Variants in SETD5 observed in about 807,000 individuals in gnomAD.
SETD5 encodes histone-lysine N-methyltransferase SETD5.
In SETD5, 44 loss-of-function variants were observed where a neutral mutation model predicts 153.3. That is an observed-to-expected ratio of 0.29 (90% confidence interval 0.23 to 0.37). The LOEUF (loss-of-function observed/expected upper bound fraction) is 0.37, where lower values mean the gene tolerates loss of function less well. Among genes scored for constraint, SETD5 ranks in the 10% least tolerant of loss-of-function variants. SETD5 has a pLI of 1.00. For synonymous variants in SETD5, 716 were observed against 645.2 expected (o/e 1.11, Z -1.66); for missense variants, 1,544 against 1,768.0 (o/e 0.87, Z 2.27).
intron 1 of SETD5, chr3:9,423,327 C>A (rs1241578698): frequency 2.0e-5 from 3 of 152,152 alleles, no homozygotes; most frequent in Non-Finnish European, 2.9e-5. Context: ...GTAAATGGCA[C>A]CTCCTAAAGA....
intron 1 of SETD5, chr3:9,423,363 C>T (rs766501734): frequency 2.0e-5 from 3 of 152,190 alleles, no homozygotes; most frequent in Non-Finnish European, 2.9e-5. Flanking sequence ...CTGGAAGATA[C>T]AGGCTGTGTC....
intron 18 of SETD5, among the ~76,000 whole-genome samples, chr3:9,468,331 T>G (rs1298085467): frequency 6.6e-6 from 1 of 152,168 alleles, no homozygotes; most frequent in Non-Finnish European, 1.5e-5. Flanking sequence ...CAGGAAGCAT[T>G]TTAACAAGTC....
chr3:9,413,569 A>G (rs532151389), intron 1 of SETD5, among the ~76,000 whole-genome samples: 34 of 151,408 alleles, frequency 2.2e-4, no homozygotes, highest in Non-Finnish European at 4.1e-4. Flanking sequence ...CGGATGAAGG[A>G]AGAGGATGAA....
rs753221954 is a variant in SETD5 at position 9,473,275 on chromosome 3, A to G, written c.3235A>G (p.Lys1079Glu). The change falls in exon 20 of 23, where the codon AAG becomes GAG. Residue 1079 changes from lysine (K) to glutamate (E), a missense_variant. Transcript: ENST00000402198. The part of the protein sequence containing the change: ...LEYRKRKQEA[K>E]ENSAGGGGDS... ...GTACCGAAAACGGAAACAAGAAGCT[A>G]AGGAAAATTCTGCTGGTGGGGGAGG... 6.2e-7 allele frequency: 1 copy of G among 1,613,818 alleles called. No individual in the cohort carries two copies. The highest frequency in any genetic ancestry group is 1.7e-5 in the Admixed American group (1 of 60,016).
chr3:9,453,821 A>C lies in SETD5; in HGVS notation c.2429A>C (p.Gln810Pro). Residue 810 changes from glutamine to proline, a missense_variant, in exon 17 of 23, where the codon CAA (glutamine) becomes CCA (proline). Gln to Pro is a moderately conservative substitution (Grantham distance 76). Around this residue, in one of 9 missense-constraint regions of SETD5, gnomAD observed 782 missense variants for 787.2 expected, o/e 0.99. Transcript: ENST00000402198. ...PQETRTQHLYQSNENSSSSSI... is the reference protein window; with the variant it reads ...PQETRTQHLYPSNENSSSSSI... The stretch of plus-strand genomic sequence containing the variant: ...GAGACTAGAACTCAGCACCTATACC[A>C]AAGCAATGAGAATAGTAGCTCTTCT... 6.2e-7 allele frequency: 1 copy of C among 1,604,940 alleles called. No homozygotes were observed.
chr3:9,408,023 G>A (rs1202470084), intron 1 of SETD5, among the ~76,000 whole-genome samples: 1 of 151,896 alleles, frequency 6.6e-6, no homozygotes, highest in African/African-American at 2.4e-5. Context: ...TTAATCTTGT[G>A]TAGATAGTGA....
chr3:9,410,688 C>G (rs1320178952), intron 1 of SETD5, among the ~76,000 whole-genome samples: 2 of 152,114 alleles, frequency 1.3e-5, no homozygotes, highest in Non-Finnish European at 2.9e-5. Context: ...GATACTTCCC[C>G]TTTTAGCAGA....
chr3:9,466,030 T>A (rs1293570028), intron 18 of SETD5, among the ~76,000 whole-genome samples: 5 of 152,094 alleles, frequency 3.3e-5, no homozygotes, highest in Admixed American at 3.3e-4. Context: ...GGCTCACACC[T>A]ATAATCCCAT....
intron 16 of SETD5, among the ~76,000 whole-genome samples, chr3:9,452,084 G>C (rs981032976): frequency 1.3e-5 from 2 of 152,128 alleles, no homozygotes; most frequent in African/African-American, 4.8e-5. Flanking sequence ...GATTGTATTT[G>C]CTGTGTTTCA....
chr3:9,445,594 A>C (rs749498536), intron 12 of SETD5, 63 bp from the exon 13 acceptor site: 47 of 1,421,834 alleles, frequency 3.3e-5, no homozygotes, highest in Non-Finnish European at 4.4e-5. Context: ...AAGCTACCAG[A>C]ATAAAACAGA....
rs781208584 is a variant in SETD5 at position 9,475,865 on chromosome 3, C to T, written c.4103C>T (p.Thr1368Ile). The T allele has an allele frequency of 6.8e-6, 11 of 1,613,942 alleles. No individual in the cohort carries two copies. Among genetic ancestry groups the T allele is most frequent in the Admixed American group, 3.3e-5 (2 of 60,012 alleles). The change falls in exon 23 of 23, where the codon ACT (threonine) becomes ATT (isoleucine). Residue 1368 changes from threonine to isoleucine, a missense_variant. Thr to Ile is a moderately conservative substitution (Grantham distance 89, BLOSUM62 -1). Transcript: ENST00000402198. ...TCAGTTTCTCAGTCCAGCACAGGAA[C>T]TCTGAGTTCCACCTCCTTTCCTCAG... ...SDSVSQSSTG[T>I]LSSTSFPQNS...
At position 9,434,697 on chromosome 3, in the gene SETD5, A is replaced by T; in HGVS notation, c.330-127A>T. On this transcript the variant is annotated intron_variant, in intron 5 of 22. Transcript: ENST00000402198. This position sits in a 1 kb window ranked among gnomAD's most constrained non-coding sequence, Gnocchi z 5.6. ...AGCTATTGAATTTGATATGAAATTT[A>T]ATGTCCTGGAAACATTTGGTAGGTG... 6.8e-7 allele frequency: 1 copy of T among 1,461,458 alleles called. No individual in the cohort carries two copies. Among genetic ancestry groups the T allele is most frequent in the Admixed American group, 2.7e-5 (1 of 37,278 alleles). 90.5% of individuals were successfully genotyped at this position (1,461,458 alleles called of 1,614,324 possible). A position where few individuals can be genotyped will look rare whatever the true frequency, so the allele number is the denominator to read the frequency against.
chr3:9,470,416 T>G (rs1174803323), intron 18 of SETD5, 43 bp from the exon 19 acceptor site: 3 of 1,515,352 alleles, frequency 2.0e-6, no homozygotes, highest in Non-Finnish European at 2.7e-6. Context: ...GACTTTTTCC[T>G]TTCTCCCCTA....
chr3:9,434,012 A>G lies in SETD5; in HGVS notation c.177+62A>G. On this transcript the variant is annotated intron_variant, in intron 4 of 22. Coordinates refer to ENST00000402198, the MANE Select transcript of SETD5 (RefSeq NM_001080517.3). This position sits in a 1 kb window ranked among gnomAD's most constrained non-coding sequence, Gnocchi z 5.6. ...TTCCTGGAGTGTAATCCATTCTTATACATTGTGACTTTCTTGAAATGTTTA... is the reference window on the plus strand; with the variant it reads ...TTCCTGGAGTGTAATCCATTCTTATGCATTGTGACTTTCTTGAAATGTTTA... The G allele has an allele frequency of 6.2e-7, 1 of 1,613,012 alleles. No homozygotes were observed. The highest frequency in any genetic ancestry group is 8.5e-7 in the Non-Finnish European group (1 of 1,179,606).
intron 16 of SETD5, among the ~76,000 whole-genome samples, chr3:9,450,552 A>G (rs995943701): frequency 1.3e-5 from 2 of 152,242 alleles, no homozygotes; most frequent in Admixed American, 1.3e-4. Context: ...GCAGTGAAGA[A>G]GAGTTCTTCT....
At chr3:9,430,322 T>C (rs1386030442) in intron 3 of SETD5, 9 of 983,192 alleles carry the variant, frequency 9.2e-6, no homozygotes, top group Non-Finnish European at 1.1e-5. Flanking sequence ...TATTCTGGGG[T>C]AGTCTAAAAT....
At chr3:9,447,393 T>C (rs1282001393) in intron 14 of SETD5, 86 bp downstream of exon 14, 2 of 1,509,740 alleles carry the variant, frequency 1.3e-6, no homozygotes, top group Admixed American at 4.4e-5. Flanking sequence ...AAAATCAGTG[T>C]TTTCAGCTTT....
intron 11 of SETD5, 123 bp from the exon 12 acceptor site, chr3:9,444,925 T>G (rs2041756835): frequency 2.4e-5 from 31 of 1,280,958 alleles, no homozygotes; most frequent in Non-Finnish European, 3.4e-5. Context: ...ATGTCTCTGT[T>G]TAACTTATTC....
At position 9,476,459 on chromosome 3, in the gene SETD5, T is replaced by TAA. The variant is rs5846639; in HGVS notation, c.*386_*387dup. 1.5e-4 allele frequency: 17 copies of TAA among 113,702 alleles called. No individual in the cohort carries two copies. Among genetic ancestry groups the TAA allele is most frequent in the South Asian group, 2.8e-4 (1 of 3,600 alleles). 7.0% of individuals were successfully genotyped at this position (113,702 alleles called of 1,614,324 possible). ...TGCAGTGAGGACATCTTTTTAAATT[T>TAA]AAAAAAAAAAAAAAAAAAAGTTTTC... On this transcript the variant is annotated 3_prime_UTR_variant, in exon 23 of 23. Transcript: ENST00000402198.
Sources: gnomAD v4.1 joint callset for allele counts (sites outside exome capture counted in the v4.1 genomes callset) on GRCh38, gnomAD v4.1.1 for gene constraint, gnomAD v4.1.1 regional missense constraint, Gnocchi (gnomAD v3.1) non-coding constraint, MANE v1.5 for transcripts, NCBI Gene and HGNC (gene_info 2026-07-23, HGNC 2026-07-21) for gene names.